The following MAL variants were observed in gnomAD, a reference collection of about 807,000 sequenced individuals.
MAL encodes the protein mal, T cell differentiation protein (MAL blood group), also known as myelin and lymphocyte protein.
MAL carries 5 observed loss-of-function variants against 16.7 expected under a neutral mutation model. The observed-to-expected ratio is 0.30, with a 90% confidence interval of 0.16 to 0.63. The LOEUF (loss-of-function observed/expected upper bound fraction) is 0.63, where lower values mean the gene tolerates loss of function less well. MAL is among the 30% of genes least tolerant of loss of function. The probability of loss-of-function intolerance (pLI) is 0.82; values close to 1 mark genes in which losing one functional copy is unlikely to be tolerated. For synonymous variants in MAL, 96 were observed against 85.5 expected (o/e 1.12, Z -0.67); for missense variants, 202 against 195.8 (o/e 1.03, Z -0.19).
At chr2:95,046,797 T>C (rs999003104) in intron 1 of MAL, among the ~76,000 whole-genome samples, 4 of 143,378 alleles carry the variant, frequency 2.8e-5, no homozygotes, top group Non-Finnish European at 6.0e-5. Context: ...TATAAACAGT[T>C]GAATCCAGAA....
chr2:95,036,639 G>A (rs1040700048), intron 1 of MAL, among the ~76,000 whole-genome samples: 1 of 152,282 alleles, frequency 6.6e-6, no homozygotes, highest in African/African-American at 2.4e-5. Context: ...CCAAGTGAGT[G>A]AGTCAGTGAG....
rs544504207 is a variant in MAL, at chr2:95,025,778, C to A, written c.-15C>A. On this transcript the variant is annotated 5_prime_UTR_variant, in exon 1 of 4. Coordinates refer to ENST00000309988, the MANE Select transcript of MAL (RefSeq NM_002371.4). This position sits in a 1 kb window ranked among gnomAD's most constrained non-coding sequence, Gnocchi z 5.6. ...GGCGCTCGTCCCGTCCCAAGGCCGACGCCAGCACGCCGTCATGGCCCCCGC... is the reference window on the plus strand; with the variant it reads ...GGCGCTCGTCCCGTCCCAAGGCCGAAGCCAGCACGCCGTCATGGCCCCCGC... 12 of 1,525,608 alleles carry A rather than the reference C, an allele frequency of 7.9e-6. No homozygotes were observed. The highest frequency in any genetic ancestry group is 4.1e-5 in the Admixed American group (2 of 49,082). The allele number at this position is 1,525,608 out of a possible 1,614,324, so 94.5% of individuals were successfully genotyped here.
rs145708853 is a variant in MAL, at chr2:95,030,677, G to A, written c.93+4792G>A. ...CCTCCCCAGGCCACAAAGGAGGCAG[G>A]GTTGTGAGTGAGGGTGTGAGGAATG... On this transcript the variant is annotated intron_variant, in intron 1 of 3. Transcript: ENST00000309988. Among the ~76,000 whole-genome samples, 507 of 152,328 alleles carry A rather than the reference G, an allele frequency of 3.3e-3. 5 individuals carry two copies. Among genetic ancestry groups the A allele is most frequent in the African/African-American group, 0.012 (495 of 41,556 alleles).
intron 1 of MAL, among the ~76,000 whole-genome samples, chr2:95,031,429 G>A (rs976029456): frequency 6.6e-6 from 1 of 152,212 alleles, no homozygotes; most frequent in South Asian, 2.1e-4. Flanking sequence ...GAGGTCCAGG[G>A]CAGGTTGAAG....
chr2:95,051,813 G>C (rs933192419), intron 3 of MAL: 5 of 152,174 alleles, frequency 3.3e-5, no homozygotes, highest in African/African-American at 1.2e-4. Flanking sequence ...CACGGCGTTC[G>C]ATGTAAAGTC....
chr2:95,048,207 C>A, intron 2 of MAL, 81 bp downstream of exon 2: 1 of 1,410,184 alleles, frequency 7.1e-7, no homozygotes, highest in Non-Finnish European at 9.9e-7. Context: ...TGGGCTTTTC[C>A]AGTGCCAGGT....
At chr2:95,041,324 C>T (rs1284828301) in intron 1 of MAL, among the ~76,000 whole-genome samples, 4 of 152,180 alleles carry the variant, frequency 2.6e-5, no homozygotes, top group African/African-American at 9.7e-5. Flanking sequence ...GGGTCAGGCA[C>T]ATTTTTCTCA....
intron 1 of MAL, among the ~76,000 whole-genome samples, chr2:95,047,043 G>A (rs1573300267): frequency 6.6e-6 from 1 of 151,970 alleles, no homozygotes; most frequent in Non-Finnish European, 1.5e-5. Flanking sequence ...AAGAGAGAGA[G>A]AGAAAGAAAG....
At position 95,053,548 on chromosome 2, in the gene MAL, A is replaced by G; in HGVS notation, c.*93A>G. On this transcript the variant is annotated 3_prime_UTR_variant, in exon 4 of 4. Transcript: ENST00000309988. ...TTTTTAGAAAACAGAAATGCCCTTG[A>G]TGGTGGAAAAAAGAAAACAACCACC... 1 of 1,000,960 alleles carries G rather than the reference A, an allele frequency of 1.0e-6. No individual in the cohort carries two copies. The allele number at this position is 1,000,960 out of a possible 1,614,324, so 62.0% of individuals were successfully genotyped here. A position where few individuals can be genotyped will look rare whatever the true frequency, so the allele number is the denominator to read the frequency against.
intron 1 of MAL, among the ~76,000 whole-genome samples, chr2:95,042,714 A>C (rs1290623956): frequency 6.6e-6 from 1 of 152,198 alleles, no homozygotes; most frequent in African/African-American, 2.4e-5. Flanking sequence ...TGTTTTCAAA[A>C]TAATTGCCTC....
At chr2:95,036,808 A>C (rs1307374519) in intron 1 of MAL, among the ~76,000 whole-genome samples, 1 of 151,928 alleles carries the variant, frequency 6.6e-6, no homozygotes, top group Non-Finnish European at 1.5e-5. Context: ...TGAGTGTGTG[A>C]GTGAGTGACT....
chr2:95,036,406 C>G (rs1365396827), intron 1 of MAL, among the ~76,000 whole-genome samples: 1 of 152,206 alleles, frequency 6.6e-6, no homozygotes, highest in Non-Finnish European at 1.5e-5. Flanking sequence ...TGCTCAGACA[C>G]TGACACTTTC....
chr2:95,027,351 C>T (rs1194631624), intron 1 of MAL, among the ~76,000 whole-genome samples: 4 of 152,178 alleles, frequency 2.6e-5, no homozygotes, highest in African/African-American at 9.6e-5. Context: ...GCTCTTCCAG[C>T]GTGGCTTTGT....
intron 3 of MAL, chr2:95,051,848 C>G (rs1674728303): frequency 6.6e-6 from 1 of 152,224 alleles, no homozygotes; most frequent in Non-Finnish European, 1.5e-5. Context: ...ACGGTATCAA[C>G]TGCATCCGTC....
intron 1 of MAL, among the ~76,000 whole-genome samples, chr2:95,039,280 CTGAG>C (rs1016213498): frequency 2.2e-4 from 13 of 59,674 alleles, no homozygotes; most frequent in African/African-American, 7.6e-4. Context: ...GGGTGAGTGA[CTGAG>C]TGAGTGACTG....
At chr2:95,036,555 G>T (rs1310417606) in intron 1 of MAL, among the ~76,000 whole-genome samples, 1 of 152,246 alleles carries the variant, frequency 6.6e-6, no homozygotes, top group African/African-American at 2.4e-5. Flanking sequence ...ATTTCCCTGG[G>T]TGTGCCTGCC....
Position 95,025,742 on chromosome 2 carries a change from G to A in MAL, c.-51G>A. 5 of 1,312,080 alleles carry A rather than the reference G, an allele frequency of 3.8e-6. No homozygotes were observed. In the Middle Eastern group the frequency reaches 5.7e-4, roughly 149 times the overall value. The allele number at this position is 1,312,080 out of a possible 1,614,324, so 81.3% of individuals were successfully genotyped here. On this transcript the variant is annotated 5_prime_UTR_variant, in exon 1 of 4. Coordinates refer to ENST00000309988, the MANE Select transcript of MAL (RefSeq NM_002371.4). This position sits in a 1 kb window ranked among gnomAD's most constrained non-coding sequence, Gnocchi z 5.6. ...CGCGGAGCCAGCGAGAGGTCTGCGC[G>A]GAGTCTGAGCGGCGCTCGTCCCGTC...
chr2:95,049,583 C>T lies in MAL; in HGVS notation c.264C>T (p.Asp88=), dbSNP rs749735071. ...CTGACACCCCGTCTGCCCCATAGGA[C>T]GCAGCCTACCACTGCACCGCTGCCC... ...HGGETSWVTL[D]AAYHCTAALF... The change falls in exon 3 of 4, where the codon GAC becomes GAT. Residue 88 remains aspartate (D), a splice_region_variant and synonymous_variant. Transcript: ENST00000309988. 1.2e-5 allele frequency: 20 copies of T among 1,614,036 alleles called. No homozygotes were observed. Among genetic ancestry groups the T allele is most frequent in the South Asian group, 3.3e-5 (3 of 91,086 alleles).
At chr2:95,033,646 G>T (rs1051347007) in intron 1 of MAL, among the ~76,000 whole-genome samples, 1 of 152,080 alleles carries the variant, frequency 6.6e-6, no homozygotes, top group African/African-American at 2.4e-5. Flanking sequence ...AACTATGATG[G>T]CTTGCACCCA....
Sources: allele counts gnomAD v4.1 joint callset (sites outside exome capture counted in the v4.1 genomes callset), GRCh38; gene constraint gnomAD v4.1.1; non-coding constraint Gnocchi (gnomAD v3.1); transcripts MANE v1.5; gene names NCBI Gene and HGNC (gene_info 2026-07-23, HGNC 2026-07-21).